The following SLC14A2 variants were observed in gnomAD, a reference collection of about 807,000 sequenced individuals.
SLC14A2 encodes the protein urea transporter 2.
A neutral mutation model predicts 104.6 loss-of-function variants in SLC14A2; 91 were observed. The observed-to-expected ratio is 0.87, with a 90% CI of 0.73 to 1.04. The LOEUF (loss-of-function observed/expected upper bound fraction) is 1.04, where lower values mean the gene tolerates loss of function less well. Ranked by LOEUF, SLC14A2 falls within the 50% of genes least tolerant of loss-of-function variation. The probability of loss-of-function intolerance (pLI) is 0.00; values close to 1 mark genes in which losing one functional copy is unlikely to be tolerated. For missense variants in SLC14A2, 1,189 were observed against 1,156.0 expected, an observed-to-expected ratio of 1.03 and a Z score of -0.41; for synonymous variants, 476 against 466.4, an observed-to-expected ratio of 1.02 and a Z score of -0.27.
At chr18:45,184,323 C>T in the SLC14A2 span, among the ~76,000 whole-genome samples, 2 of 152,082 alleles carry the variant, frequency 1.3e-5, no homozygotes, top group African/African-American at 4.8e-5. Context: ...CACAGGTGAC[C>T]ACTAATGCCA....
rs543518805 is a variant in SLC14A2, at chr18:45,538,366, C to A, written c.-35+55044C>A. ...GATCTTTTAATTACATGGGACAAAA[C>A]CTTGCTTTTGCTGGCTCTGGCTTAG... is the stretch of plus-strand genomic sequence containing the variant. On this transcript the variant is annotated intron_variant, in intron 2 of 20. Transcript: ENST00000586448. Among the ~76,000 whole-genome samples the A allele has an allele frequency of 4.6e-5, 7 of 152,308 alleles. No individual in the cohort carries two copies. In the South Asian group the frequency reaches 1.4e-3, roughly 32 times the overall value.
intron 2 of SLC14A2, among the ~76,000 whole-genome samples, chr18:45,594,969 C>T (rs1437250099): frequency 2.0e-5 from 3 of 152,142 alleles, no homozygotes; most frequent in African/African-American, 7.2e-5. Context: ...TCATCCCCTT[C>T]AGAAATGACT....
chr18:45,643,073 C>A, intron 8 of SLC14A2, 59 bp from the exon 9 acceptor site: 1 of 1,519,106 alleles, frequency 6.6e-7, no homozygotes. Flanking sequence ...TCTGCAATGG[C>A]AGTGGCTTAG....
At chr18:45,564,438 G>C (rs1443501071) in intron 2 of SLC14A2, among the ~76,000 whole-genome samples, 1 of 152,176 alleles carries the variant, frequency 6.6e-6, no homozygotes, top group Non-Finnish European at 1.5e-5. Flanking sequence ...TGCACAGTGG[G>C]TAACAGGAGT....
intron 1 of SLC14A2, among the ~76,000 whole-genome samples, chr18:45,349,414 T>C (rs1000920746): frequency 6.6e-6 from 1 of 152,238 alleles, no homozygotes; most frequent in African/African-American, 2.4e-5. Flanking sequence ...GTTGTTTTAA[T>C]AAGTTTGCTA....
intron 1 of SLC14A2, among the ~76,000 whole-genome samples, chr18:45,267,618 G>T (rs1472086013): frequency 6.6e-6 from 1 of 152,164 alleles, no homozygotes; most frequent in Non-Finnish European, 1.5e-5. Context: ...AACTACAAAT[G>T]TTCAGATGTC....
At chr18:45,328,959 A>G (rs1218273565) in intron 1 of SLC14A2, among the ~76,000 whole-genome samples, 1 of 152,250 alleles carries the variant, frequency 6.6e-6, no homozygotes, top group African/African-American at 2.4e-5. Flanking sequence ...TTCCAAAAGT[A>G]GAGATAATTT....
At chr18:45,332,567 G>T (rs752928553) in intron 1 of SLC14A2, among the ~76,000 whole-genome samples, 31 of 152,128 alleles carry the variant, frequency 2.0e-4, no homozygotes, top group Non-Finnish European at 3.7e-4. Context: ...GGTCCTGGAT[G>T]GTTCCTGTAG....
intron 2 of SLC14A2, among the ~76,000 whole-genome samples, chr18:45,486,642 A>G (rs1319829392): frequency 6.6e-6 from 1 of 152,216 alleles, no homozygotes; most frequent in African/African-American, 2.4e-5. Context: ...AGAATAGAAA[A>G]TTTAGAAATC....
chr18:45,642,775 A>C (rs916307453), intron 8 of SLC14A2, among the ~76,000 whole-genome samples: 1 of 152,192 alleles, frequency 6.6e-6, no homozygotes, highest in African/African-American at 2.4e-5. Flanking sequence ...TTCCCCTACA[A>C]CAATCATCCA....
At chr18:45,576,458 G>A (rs1323794341) in intron 2 of SLC14A2, among the ~76,000 whole-genome samples, 1 of 151,878 alleles carries the variant, frequency 6.6e-6, no homozygotes, top group East Asian at 1.9e-4. Context: ...TAATTTGTTT[G>A]TGTTTTTAGT....
At position 45,669,479 on chromosome 18, in the gene SLC14A2, C is replaced by A; in HGVS notation, c.2210C>A (p.Ser737Ter). The change falls in exon 16 of 20, where the codon TCA becomes TAA. Residue 737 changes from serine to a stop codon, truncating the protein, a stop_gained. Coordinates refer to ENST00000255226, the MANE Select transcript of SLC14A2 (RefSeq NM_007163.4). LOFTEE classifies it high-confidence loss of function. ...PASAMPNITW[S>*]EVQVPLLLRA... ...TCCGCCATGCCCAACATCACCTGGT[C>A]AGAGGTCCAAGTGCCCTTGGTACGT... 1 of 1,613,596 alleles carries A rather than the reference C, an allele frequency of 6.2e-7. No individual in the cohort carries two copies. Among genetic ancestry groups the A allele is most frequent in the South Asian group, 1.1e-5 (1 of 90,968 alleles).
chr18:45,499,545 T>C (rs951521400), intron 2 of SLC14A2, among the ~76,000 whole-genome samples: 2 of 152,258 alleles, frequency 1.3e-5, no homozygotes, highest in African/African-American at 4.8e-5. Flanking sequence ...AAAATGGGTA[T>C]TATAATTTCT....
intron 1 of SLC14A2, among the ~76,000 whole-genome samples, chr18:45,617,684 AC>A (rs1368734377): frequency 1.3e-5 from 2 of 152,064 alleles, no homozygotes; most frequent in Admixed American, 6.6e-5. Flanking sequence ...TGTGTGATCC[AC>A]CAGTCCAGGG....
chr18:45,392,008 A>G (rs747709665), intron 1 of SLC14A2, among the ~76,000 whole-genome samples: 20 of 152,212 alleles, frequency 1.3e-4, no homozygotes, highest in East Asian at 5.8e-4. Flanking sequence ...GCCCATGCCT[A>G]TGTCCAGAGA....
intron 2 of SLC14A2, among the ~76,000 whole-genome samples, chr18:45,595,183 T>G (rs1435273122): frequency 6.6e-6 from 1 of 152,152 alleles, no homozygotes; most frequent in Non-Finnish European, 1.5e-5. Context: ...TTACACCCTT[T>G]CTGTGTGTTT....
chr18:45,518,505 A>T (rs1393287447), intron 2 of SLC14A2, among the ~76,000 whole-genome samples: 1 of 152,206 alleles, frequency 6.6e-6, no homozygotes, highest in Non-Finnish European at 1.5e-5. Context: ...CACAGTCCAG[A>T]GGTGAAATAG....
chr18:45,230,304 G>A (rs888424488), intron 1 of SLC14A2, among the ~76,000 whole-genome samples: 1 of 152,246 alleles, frequency 6.6e-6, no homozygotes, highest in African/African-American at 2.4e-5. Flanking sequence ...TCGAACATGG[G>A]CCTTGCATGG....
At position 45,331,274 on chromosome 18, in the gene SLC14A2, C is replaced by G. The variant is rs77072756; in HGVS notation, c.-125+118083C>G. Among the ~76,000 whole-genome samples, 21 of 152,320 alleles carry G rather than the reference C, an allele frequency of 1.4e-4. No homozygotes were observed. The East Asian group carries it at 4.1e-3, about 29-fold the overall frequency. ...CCTGTAATATCCCCTTATACAAATA[C>G]TAAATTATTTTAAAACTACATAAAA... On this transcript the variant is annotated intron_variant, in intron 1 of 20. Coordinates refer to the SLC14A2 transcript ENST00000586448.
Sources: allele counts gnomAD v4.1 joint callset (sites outside exome capture counted in the v4.1 genomes callset), GRCh38; gene constraint gnomAD v4.1.1; transcripts MANE v1.5; gene names NCBI Gene and HGNC (gene_info 2026-07-23, HGNC 2026-07-21).